DPP10: variants seen among roughly 807,000 people sequenced by gnomAD.
DPP10 encodes inactive dipeptidyl peptidase 10.
DPP10 carries 33 observed loss-of-function variants against 120.9 expected under a neutral mutation model. The ratio of observed to expected loss-of-function variants is 0.27; its 90% confidence interval spans 0.21 to 0.37. DPP10 has a LOEUF of 0.37. Ranked by LOEUF, DPP10 falls within the 10% of genes least tolerant of loss-of-function variation. The pLI is 1.00. For missense variants in DPP10, 816 were observed against 942.8 expected (o/e 0.87, Z 1.76); for synonymous variants, 337 against 326.1 (o/e 1.03, Z -0.36).
intron 1 of DPP10, among the ~76,000 whole-genome samples, chr2:115,109,344 T>C (rs2049100150): frequency 6.6e-6 from 1 of 152,108 alleles, no homozygotes; most frequent in Non-Finnish European, 1.5e-5. Context: ...GAGACCATCC[T>C]GGCCAACATG....
chr2:115,769,730 TAA>T (rs900594322), intron 13 of DPP10, among the ~76,000 whole-genome samples: 3 of 151,980 alleles, frequency 2.0e-5, no homozygotes, highest in Admixed American at 6.6e-5. Context: ...AATGATTATA[TAA>T]GTCAGGTATA....
At chr2:115,517,508 TTTG>T (rs773153677) in intron 4 of DPP10, among the ~76,000 whole-genome samples, 1 of 152,298 alleles carries the variant, frequency 6.6e-6, no homozygotes, top group South Asian at 2.1e-4. Context: ...CACTCAGCAT[TTTG>T]TTACTGATTC....
At chr2:114,809,683 T>C (rs1253115559) in intron 1 of DPP10, among the ~76,000 whole-genome samples, 1 of 152,164 alleles carries the variant, frequency 6.6e-6, no homozygotes, top group Non-Finnish European at 1.5e-5. Flanking sequence ...AGATACCCCG[T>C]CCTCTTACTT....
intron 1 of DPP10, among the ~76,000 whole-genome samples, chr2:114,557,803 A>G (rs1688444402): frequency 6.6e-6 from 1 of 152,220 alleles, no homozygotes; most frequent in African/African-American, 2.4e-5. Context: ...TAATTGATGT[A>G]TTTGGGGCTC....
At chr2:115,396,249 A>G (rs759188706) in intron 3 of DPP10, among the ~76,000 whole-genome samples, 18 of 152,122 alleles carry the variant, frequency 1.2e-4, no homozygotes, top group Non-Finnish European at 1.9e-4. Flanking sequence ...CAAGAAGAGT[A>G]TTTTACCCAG....
intron 5 of DPP10, among the ~76,000 whole-genome samples, chr2:115,618,765 T>C (rs2084717491): frequency 6.6e-6 from 1 of 152,156 alleles, no homozygotes; most frequent in African/African-American, 2.4e-5. Flanking sequence ...CATTACTCCA[T>C]GGAGTTGTGT....
intron 19 of DPP10, 63 bp from the exon 20 acceptor site, chr2:115,814,730 A>T: frequency 7.4e-7 from 1 of 1,342,476 alleles, no homozygotes; most frequent in Admixed American, 2.2e-5. Context: ...TGAGTATGAA[A>T]GGTAAAATTT....
chr2:115,302,621 C>T (rs1203368218), intron 1 of DPP10, among the ~76,000 whole-genome samples: 2 of 151,732 alleles, frequency 1.3e-5, no homozygotes, highest in African/African-American at 2.4e-5. Context: ...AAAACAATCC[C>T]GGAACAAAAT....
At chr2:115,062,110 T>C (rs1200273126) in intron 1 of DPP10, among the ~76,000 whole-genome samples, 1 of 150,360 alleles carries the variant, frequency 6.7e-6, no homozygotes, top group Non-Finnish European at 1.5e-5. Context: ...ACTGTATTGT[T>C]GTTTTAAGAT....
At chr2:114,661,466 G>A (rs1162457344) in intron 1 of DPP10, among the ~76,000 whole-genome samples, 2 of 152,156 alleles carry the variant, frequency 1.3e-5, no homozygotes, top group African/African-American at 2.4e-5. Context: ...TAATGTAATC[G>A]TAGTGGGATG....
intron 1 of DPP10, among the ~76,000 whole-genome samples, chr2:114,554,578 C>T (rs1688140189): frequency 6.6e-6 from 1 of 152,218 alleles, no homozygotes. Flanking sequence ...ATGAGGCTCT[C>T]AGTGCTACCC....
chr2:115,153,072 A>G (rs1255412389), intron 1 of DPP10, among the ~76,000 whole-genome samples: 1 of 152,102 alleles, frequency 6.6e-6, no homozygotes, highest in African/African-American at 2.4e-5. Flanking sequence ...AAGGAACCCA[A>G]ATCTTTTATA....
chr2:114,545,222 A>T (rs1050186369), intron 1 of DPP10, among the ~76,000 whole-genome samples: 1 of 152,138 alleles, frequency 6.6e-6, no homozygotes, highest in Non-Finnish European at 1.5e-5. Context: ...TAAATAATTG[A>T]TAATGAGATT....
At chr2:115,478,443 C>T (rs908196572) in intron 3 of DPP10, among the ~76,000 whole-genome samples, 3 of 152,062 alleles carry the variant, frequency 2.0e-5, no homozygotes, top group Non-Finnish European at 2.9e-5. Context: ...AAACCTAAAA[C>T]TATAAAACAT....
intron 1 of DPP10, among the ~76,000 whole-genome samples, chr2:114,641,299 C>G (rs948376521): frequency 6.6e-6 from 1 of 151,878 alleles, no homozygotes; most frequent in Non-Finnish European, 1.5e-5. Context: ...TGTCTTTTTT[C>G]CTGATAAGTC....
At chr2:115,005,592 T>C (rs377596379) in intron 1 of DPP10, among the ~76,000 whole-genome samples, 16 of 152,058 alleles carry the variant, frequency 1.1e-4, no homozygotes, top group South Asian at 6.2e-4. Context: ...GGAGCCGATG[T>C]GATCAACTGG....
chr2:115,008,948 TG>T (rs1253821790), intron 1 of DPP10, among the ~76,000 whole-genome samples: 1 of 87,782 alleles, frequency 1.1e-5, no homozygotes, highest in African/African-American at 3.9e-5. Flanking sequence ...GGAGAGGATG[TG>T]GAGAAATAGG....
intron 1 of DPP10, among the ~76,000 whole-genome samples, chr2:115,060,537 A>G (rs1355092403): frequency 6.6e-6 from 1 of 152,194 alleles, no homozygotes; most frequent in Non-Finnish European, 1.5e-5. Context: ...GACTGCAGTG[A>G]GCGGAGACTG....
At chr2:114,455,735 T>TA (rs1373395616) in intron 1 of DPP10, among the ~76,000 whole-genome samples, 1 of 150,564 alleles carries the variant, frequency 6.6e-6, no homozygotes, top group African/African-American at 2.5e-5. Flanking sequence ...ATTTGTTTTT[T>TA]TTTTTTTTTA....
Sources: allele counts gnomAD v4.1 joint callset (sites outside exome capture counted in the v4.1 genomes callset), GRCh38; gene constraint gnomAD v4.1.1; transcripts MANE v1.5; gene names NCBI Gene and HGNC (gene_info 2026-07-23, HGNC 2026-07-21).